Variants in ROBO2 observed in about 807,000 individuals in gnomAD.
The protein encoded by ROBO2 is roundabout guidance receptor 2.
A neutral mutation model predicts 160.8 loss-of-function variants in ROBO2; 53 were observed. The observed-to-expected ratio is 0.33, with a 90% CI of 0.26 to 0.41. The LOEUF is 0.41. ROBO2 is among the 10% of genes least tolerant of loss of function. The pLI is 1.00. For synonymous variants in ROBO2, 664 were observed against 611.7 expected (o/e 1.09, Z -1.26); for missense variants, 1,577 against 1,722.4 (o/e 0.92, Z 1.49).
intron 2 of ROBO2, among the ~76,000 whole-genome samples, chr3:76,081,560 T>A (rs1389483967): frequency 2.0e-5 from 3 of 152,180 alleles, no homozygotes; most frequent in Non-Finnish European, 2.9e-5. Flanking sequence ...AAAATTCACC[T>A]GTGTCACAGA....
intron 2 of ROBO2, among the ~76,000 whole-genome samples, chr3:77,183,985 G>GT (rs1198984899): frequency 6.6e-6 from 1 of 152,010 alleles, no homozygotes; most frequent in East Asian, 1.9e-4. Context: ...TATGAGCTTA[G>GT]TATCTTTTCC....
intron 2 of ROBO2, among the ~76,000 whole-genome samples, chr3:77,236,817 G>T (rs923166172): frequency 4.7e-4 from 72 of 152,092 alleles, no homozygotes; most frequent in Non-Finnish European, 1.6e-4. Context: ...TTTTCAGATT[G>T]ACTTCTTCAG....
intron 2 of ROBO2, among the ~76,000 whole-genome samples, chr3:76,905,284 T>G (rs945366912): frequency 6.6e-6 from 1 of 152,018 alleles, no homozygotes; most frequent in African/African-American, 2.4e-5. Flanking sequence ...GGCGTTATAA[T>G]CGGGATGAAA....
chr3:76,216,692 C>T (rs1473297693), intron 2 of ROBO2, among the ~76,000 whole-genome samples: 10 of 152,156 alleles, frequency 6.6e-5, no homozygotes, highest in African/African-American at 2.4e-4. Flanking sequence ...GAGACTTAGA[C>T]TCCCACACAA....
chr3:75,957,094 A>C (rs942086672), intron 2 of ROBO2, among the ~76,000 whole-genome samples: 1 of 151,660 alleles, frequency 6.6e-6, no homozygotes, highest in Non-Finnish European at 1.5e-5. Flanking sequence ...CTTAGTGTGC[A>C]AGGCCTACAA....
At chr3:77,364,854 A>G (rs1237857137) in intron 2 of ROBO2, among the ~76,000 whole-genome samples, 1 of 152,150 alleles carries the variant, frequency 6.6e-6, no homozygotes, top group Admixed American at 6.6e-5. Context: ...GAAAAGTTTT[A>G]ATTCATATGC....
chr3:76,817,010 G>A (rs1270808169), intron 2 of ROBO2, among the ~76,000 whole-genome samples: 2 of 152,054 alleles, frequency 1.3e-5, no homozygotes, highest in African/African-American at 2.4e-5. Context: ...TCATAAGTGG[G>A]AGTTGAACAG....
intron 2 of ROBO2, among the ~76,000 whole-genome samples, chr3:77,468,354 T>C (rs1415430942): frequency 6.6e-6 from 1 of 152,146 alleles, no homozygotes; most frequent in Non-Finnish European, 1.5e-5. Context: ...ATGTCACCAG[T>C]TTGCAGTGCC....
chr3:76,130,010 C>T (rs192185475), intron 2 of ROBO2, among the ~76,000 whole-genome samples: 143 of 152,082 alleles, frequency 9.4e-4, no homozygotes, highest in Admixed American at 3.9e-3. Context: ...TTCAACTGCT[C>T]GTCATTGGGG....
chr3:76,367,492 C>T (rs1576706125), intron 2 of ROBO2, among the ~76,000 whole-genome samples: 1 of 151,886 alleles, frequency 6.6e-6, no homozygotes, highest in East Asian at 1.9e-4. Context: ...GGAAAAATTC[C>T]ATTTACTGCA....
At chr3:76,399,465 A>G (rs747808939) in intron 2 of ROBO2, among the ~76,000 whole-genome samples, 8 of 151,808 alleles carry the variant, frequency 5.3e-5, no homozygotes, top group Admixed American at 4.6e-4. Context: ...AAACTATACT[A>G]TGATGTGAGA....
intron 2 of ROBO2, among the ~76,000 whole-genome samples, chr3:76,158,762 C>A (rs1026356802): frequency 2.6e-5 from 4 of 151,986 alleles, no homozygotes; most frequent in African/African-American, 9.7e-5. Flanking sequence ...AGCAAGCTAC[C>A]CTTATTTGTA....
At position 76,315,678 on chromosome 3, in the gene ROBO2, A is replaced by C. The variant is rs149757020; in HGVS notation, c.109+378076A>C. 2.9e-3 allele frequency among the ~76,000 whole-genome samples: 438 copies of C among 152,270 alleles called. 4 individuals carry two copies. The highest frequency in any genetic ancestry group is 4.9e-3 in the Non-Finnish European group (332 of 68,018). ...GAAGCCCATTATTATATTTCTTCTG[A>C]TGTTTCCCCTAGTTATATGAACTAA... On this transcript the variant is annotated intron_variant, in intron 2 of 26. Transcript: ENST00000487694.
chr3:76,684,242 T>C (rs985334846), intron 2 of ROBO2, among the ~76,000 whole-genome samples: 21 of 152,166 alleles, frequency 1.4e-4, no homozygotes, highest in Non-Finnish European at 3.1e-4. Context: ...CTTGTTCTTT[T>C]GCTTCTCTGC....
chr3:76,824,449 G>T (rs1456956897), intron 2 of ROBO2, among the ~76,000 whole-genome samples: 1 of 152,120 alleles, frequency 6.6e-6, no homozygotes, highest in African/African-American at 2.4e-5. Flanking sequence ...GCAGACTAGT[G>T]CTGCCACACC....
chr3:77,338,831 A>T lies in ROBO2; in HGVS notation c.389-138583A>T, dbSNP rs992194883. Reference sequence around the variant, plus strand: ...TATTGCTTTTTCTATTGAGTAAATTATTGAAATAATTGTTTGAGTTTATAT... The same window carrying T: ...TATTGCTTTTTCTATTGAGTAAATTTTTGAAATAATTGTTTGAGTTTATAT... On this transcript the variant is annotated intron_variant, in intron 2 of 25. Coordinates refer to ENST00000461745, the Ensembl canonical transcript of ROBO2. Among the ~76,000 whole-genome samples, 3 of 152,252 alleles carry T rather than the reference A, an allele frequency of 2.0e-5. No individual in the cohort carries two copies. In the South Asian group the frequency reaches 6.2e-4, roughly 32 times the overall value.
intron 2 of ROBO2, among the ~76,000 whole-genome samples, chr3:76,991,214 G>A (rs1223641207): frequency 6.6e-6 from 1 of 152,148 alleles, no homozygotes; most frequent in Admixed American, 6.6e-5. Flanking sequence ...GCTTGCTGCA[G>A]ACATGTATGC....
intron 2 of ROBO2, among the ~76,000 whole-genome samples, chr3:76,127,538 A>T (rs1261773492): frequency 1.3e-5 from 2 of 152,008 alleles, no homozygotes; most frequent in Non-Finnish European, 2.9e-5. Flanking sequence ...TAGAAAACAA[A>T]TGAATATTAA....
chr3:76,284,343 G>C (rs919856556), intron 2 of ROBO2, among the ~76,000 whole-genome samples: 1 of 151,814 alleles, frequency 6.6e-6, no homozygotes, highest in Non-Finnish European at 1.5e-5. Context: ...GTCTTTCCCT[G>C]ATGTTTATGG....
Sources: allele counts gnomAD v4.1 joint callset (sites outside exome capture counted in the v4.1 genomes callset), GRCh38; gene constraint gnomAD v4.1.1; transcripts MANE v1.5; gene names NCBI Gene and HGNC (gene_info 2026-07-23, HGNC 2026-07-21).